Variants in SDK1 observed in about 807,000 individuals in gnomAD.
The protein encoded by SDK1 is sidekick cell adhesion molecule 1.
A neutral mutation model predicts 245.5 loss-of-function variants in SDK1; 157 were observed. That is an observed-to-expected ratio of 0.64 (90% CI 0.56 to 0.73). The LOEUF (loss-of-function observed/expected upper bound fraction) is 0.73. Among genes scored for constraint, SDK1 ranks in the 30% least tolerant of loss-of-function variants. SDK1 has a pLI of 0.00. For missense variants in SDK1, 3,583 were observed against 3,002.3 expected (o/e 1.19, Z -4.52); for synonymous variants, 1,647 against 1,278.5 (o/e 1.29, Z -6.15).
chr7:4,138,634 C>G (rs572877389), intron 28 of SDK1, among the ~76,000 whole-genome samples: 1 of 151,874 alleles, frequency 6.6e-6, no homozygotes, highest in Admixed American at 6.6e-5. Flanking sequence ...GTAATCCCAC[C>G]TACTTGGGAG....
chr7:3,357,291 T>C (rs919785047), intron 1 of SDK1, among the ~76,000 whole-genome samples: 1 of 150,256 alleles, frequency 6.7e-6, no homozygotes, highest in Non-Finnish European at 1.5e-5. Context: ...CATTTTATGT[T>C]TCACTGTCTT....
chr7:4,228,873 C>T (rs678098), intron 40 of SDK1, among the ~76,000 whole-genome samples: 95,069 of 151,958 alleles, frequency 0.63, 30,887 homozygotes, highest in African/African-American at 0.77. Flanking sequence ...AGCTCGTTCA[C>T]TGGGGAAGAG....
chr7:3,898,713 T>C (rs184310500), intron 5 of SDK1, among the ~76,000 whole-genome samples: 1 of 152,308 alleles, frequency 6.6e-6, no homozygotes, highest in East Asian at 1.9e-4. Context: ...AGAATTTTGG[T>C]TTTATTATGT....
chr7:3,800,064 T>A (rs1222849058), intron 4 of SDK1, among the ~76,000 whole-genome samples: 1 of 152,100 alleles, frequency 6.6e-6, no homozygotes, highest in East Asian at 1.9e-4. Flanking sequence ...ATGTTTTTGG[T>A]GAGATTGTAG....
Position 3,968,632 on chromosome 7 carries a change from C to T in SDK1, c.1547-625C>T, listed in dbSNP as rs377089660. 8.5e-5 allele frequency among the ~76,000 whole-genome samples: 13 copies of T among 152,216 alleles called. No homozygotes were observed. The East Asian group carries it at 1.2e-3, about 14-fold the overall frequency. On this transcript the variant is annotated intron_variant, in intron 10 of 44. Transcript: ENST00000404826. ...TGCAGATATAAAGAAAACTAAAAAC[C>T]GATCACCCAAACATAGCAATCACGT...
At chr7:3,427,423 G>A (rs2128582901) in intron 1 of SDK1, among the ~76,000 whole-genome samples, 1 of 151,664 alleles carries the variant, frequency 6.6e-6, no homozygotes, top group Admixed American at 6.6e-5. Context: ...GGAGGCTGGA[G>A]CAGGAGAATC....
chr7:3,694,090 C>T (rs922599544), intron 4 of SDK1, among the ~76,000 whole-genome samples: 4 of 152,154 alleles, frequency 2.6e-5, no homozygotes, highest in Non-Finnish European at 5.9e-5. Context: ...CTGTCTTGCC[C>T]AAAAGTGTGC....
chr7:4,059,341 A>G (rs1415666740), intron 19 of SDK1, among the ~76,000 whole-genome samples: 1 of 152,210 alleles, frequency 6.6e-6, no homozygotes, highest in Admixed American at 6.5e-5. Flanking sequence ...CAGTAAAAAG[A>G]GACAAAGAAG....
chr7:3,591,665 TA>T (rs796811676), intron 1 of SDK1, among the ~76,000 whole-genome samples: 28 of 152,374 alleles, frequency 1.8e-4, no homozygotes, highest in African/African-American at 6.3e-4. Flanking sequence ...TGGGAAGTGT[TA>T]ATGATCACTG....
At chr7:3,482,013 T>C (rs1781536433) in intron 1 of SDK1, among the ~76,000 whole-genome samples, 1 of 144,734 alleles carries the variant, frequency 6.9e-6, no homozygotes, top group African/African-American at 2.6e-5. Context: ...AAGGGATTAA[T>C]AATCAAAACA....
chr7:4,260,343 T>G (rs1583194463), intron 44 of SDK1, among the ~76,000 whole-genome samples: 1 of 125,162 alleles, frequency 8.0e-6, no homozygotes. Context: ...GGGGCCTCGG[T>G]GTGTGTGGGA....
chr7:3,710,259 A>G (rs1482103829), intron 4 of SDK1, among the ~76,000 whole-genome samples: 1 of 152,224 alleles, frequency 6.6e-6, no homozygotes, highest in Non-Finnish European at 1.5e-5. Context: ...ATTTGTTATA[A>G]AGAGGGTTCA....
At chr7:3,502,207 T>G (rs1033698041) in intron 1 of SDK1, among the ~76,000 whole-genome samples, 1 of 151,806 alleles carries the variant, frequency 6.6e-6, no homozygotes, top group Non-Finnish European at 1.5e-5. Context: ...TTCTTTTTTT[T>G]CAAAATGTTT....
At chr7:4,146,740 C>T (rs1390098326) in intron 29 of SDK1, among the ~76,000 whole-genome samples, 6 of 152,240 alleles carry the variant, frequency 3.9e-5, no homozygotes, top group South Asian at 2.1e-4. Flanking sequence ...AACTGCCGGG[C>T]GAGCAGGGCT....
At chr7:3,987,103 A>G in intron 13 of SDK1, 83 bp from the exon 14 acceptor site, 3 of 1,331,574 alleles carry the variant, frequency 2.3e-6, no homozygotes, top group East Asian at 4.6e-5. Flanking sequence ...ACACAGCAGG[A>G]CGGTCTGCTG....
intron 14 of SDK1, among the ~76,000 whole-genome samples, chr7:3,990,035 T>A (rs563940956): frequency 6.6e-6 from 1 of 152,308 alleles, no homozygotes; most frequent in South Asian, 2.1e-4. Flanking sequence ...GGAAGCAGAG[T>A]GTGCTGTCCT....
At chr7:4,091,709 T>A (rs1781813798) in intron 22 of SDK1, among the ~76,000 whole-genome samples, 1 of 152,094 alleles carries the variant, frequency 6.6e-6, no homozygotes, top group South Asian at 2.1e-4. Context: ...CTGAGGGTGT[T>A]TCACTGGCAG....
chr7:3,915,296 C>T (rs940472778), intron 5 of SDK1, among the ~76,000 whole-genome samples: 1 of 152,140 alleles, frequency 6.6e-6, no homozygotes, highest in East Asian at 1.9e-4. Flanking sequence ...GTAGGAGACC[C>T]CTGAAGAGCA....
intron 1 of SDK1, among the ~76,000 whole-genome samples, chr7:3,387,513 G>A (rs114963443): frequency 1.1e-3 from 173 of 152,300 alleles, no homozygotes; most frequent in African/African-American, 3.7e-3. Context: ...CCAACATCAT[G>A]TAAGAGCTGC....
Sources: allele counts gnomAD v4.1 joint callset (sites outside exome capture counted in the v4.1 genomes callset), GRCh38; gene constraint gnomAD v4.1.1; transcripts MANE v1.5; gene names NCBI Gene and HGNC (gene_info 2026-07-23, HGNC 2026-07-21).